Variants in C10orf105 observed in about 807,000 individuals in gnomAD.
C10orf105 encodes chromosome 10 open reading frame 105.
Under a neutral mutation model 0.6 loss-of-function variants are expected in C10orf105, and 2 were observed. The ratio of observed to expected loss-of-function variants is 3.18; its 90% confidence interval spans 1.30 to 10.01. C10orf105 has a LOEUF of 10.01. Ranked by LOEUF, C10orf105 falls within the 30% of genes most tolerant of loss-of-function variation. The pLI, the probability that C10orf105 is intolerant of heterozygous loss-of-function variation, is 0.04. For synonymous variants in C10orf105, 95 were observed against 82.4 expected (o/e 1.15, Z -0.83); for missense variants, 209 against 191.4 (o/e 1.09, Z -0.54).
rs944405088 is a variant in C10orf105 at position 71,726,671 on chromosome 10, G to A, written c.-5-10329C>T. Among the ~76,000 whole-genome samples the A allele has an allele frequency of 3.9e-5, 6 of 152,242 alleles. No homozygotes were observed. The South Asian group carries it at 1.2e-3, about 31-fold the overall frequency. Reference sequence around the variant, plus strand: ...CATAGCCATGCTGGCTTGCATGACTGTGAATCTTATTCGTGGGCTGGTCAG... The same window carrying A: ...CATAGCCATGCTGGCTTGCATGACTATGAATCTTATTCGTGGGCTGGTCAG... On this transcript the variant is annotated intron_variant, in intron 1 of 1. Coordinates refer to the C10orf105 transcript ENST00000398786.
intron 1 of C10orf105, 162 bp from the exon 2 acceptor site, chr10:71,716,504 T>C: frequency 1.7e-6 from 1 of 577,980 alleles, no homozygotes; most frequent in Non-Finnish European, 3.0e-6. Context: ...TCCAGAGACA[T>C]CACAAGTCTA....
At chr10:71,728,709 C>T (rs1866923147) in intron 1 of C10orf105, among the ~76,000 whole-genome samples, 1 of 152,218 alleles carries the variant, frequency 6.6e-6, no homozygotes. Flanking sequence ...CCGGCCCCAG[C>T]TCTGTTTGGC....
chr10:71,732,636 C>A, intron 1 of C10orf105: 4 of 1,392,602 alleles, frequency 2.9e-6, no homozygotes, highest in Non-Finnish European at 3.7e-6. Flanking sequence ...TTGTCTCTTA[C>A]AAAGAAACAA....
At chr10:71,728,153 A>G (rs1254216335) in intron 1 of C10orf105, among the ~76,000 whole-genome samples, 2 of 152,148 alleles carry the variant, frequency 1.3e-5, no homozygotes, top group Non-Finnish European at 2.9e-5. Context: ...GTTTCTGTTT[A>G]CCGAAAAAGA....
upstream of C10orf105, among the ~76,000 whole-genome samples, chr10:71,723,586 T>C (rs1866664207): frequency 6.6e-6 from 1 of 152,104 alleles, no homozygotes; most frequent in Non-Finnish European, 1.5e-5. Flanking sequence ...CAGTGTACAG[T>C]GCCGGCTGGG....
chr10:71,716,697 T>G, intron 1 of C10orf105: 2 of 205,554 alleles, frequency 9.7e-6, no homozygotes, highest in Non-Finnish European at 1.9e-5. Flanking sequence ...TGTCAATAAC[T>G]TGCTCTGTGG....
chr10:71,736,878 C>G (rs977022502), intron 1 of C10orf105, among the ~76,000 whole-genome samples: 23 of 152,158 alleles, frequency 1.5e-4, no homozygotes, highest in African/African-American at 5.6e-4. Flanking sequence ...AATAAGGTGT[C>G]AGGGAACTAG....
intron 1 of C10orf105, among the ~76,000 whole-genome samples, chr10:71,725,042 T>A (rs1866743258): frequency 6.6e-6 from 1 of 152,142 alleles, no homozygotes; most frequent in Non-Finnish European, 1.5e-5. Flanking sequence ...GGCCTCACAC[T>A]ACCCACATCT....
At chr10:71,732,574 A>G in intron 1 of C10orf105, 1 of 1,318,448 alleles carries the variant, frequency 7.6e-7, no homozygotes, top group South Asian at 1.5e-5. Flanking sequence ...TGGAGGCTGC[A>G]GTGAGCTGCG....
Position 71,716,324 on chromosome 10 carries a change from C to A in C10orf105, c.14G>T (p.Gly5Val). 6.7e-7 allele frequency: 1 copy of A among 1,486,614 alleles called. No homozygotes were observed. The highest frequency in any genetic ancestry group is 1.3e-5 in the South Asian group (1 of 74,102). The allele number at this position is 1,486,614 out of a possible 1,614,324, so 92.1% of individuals were successfully genotyped here. The part of the protein sequence containing the change: MSTE[G>V]PSLASSPAIS... ...GGCTGGGGAGCTGGCGAGGCTGGGG[C>A]CCTCTGTGCTCATGGCTCCTGCAAC... The change falls in exon 2 of 2, where the codon GGC becomes GTC. Residue 5 changes from glycine (G) to valine (V), a missense_variant. Coordinates refer to ENST00000441508, the MANE Select transcript of C10orf105 (RefSeq NM_001164375.3).
rs939095975 is a variant in C10orf105, at chr10:71,712,456, A to G, written c.*3480T>C. On this transcript the variant is annotated 3_prime_UTR_variant, in exon 2 of 2. Transcript: ENST00000441508. ...TTGCTGTGAGGACTGAATGGGTTAG[A>G]AGAATGGCTGGCACATGGTGTTATC... 1.7e-6 allele frequency: 1 copy of G among 575,332 alleles called. No homozygotes were observed. Among genetic ancestry groups the G allele is most frequent in the Non-Finnish European group, 3.1e-6 (1 of 322,064 alleles). 35.6% of individuals were successfully genotyped at this position (575,332 alleles called of 1,614,324 possible).
At chr10:71,723,810 G>A (rs1435693999), upstream of C10orf105, among the ~76,000 whole-genome samples, 6 of 152,116 alleles carry the variant, frequency 3.9e-5, no homozygotes, top group African/African-American at 9.7e-5. Context: ...GAGGAGGATC[G>A]GGGCAGAGCT....
At chr10:71,718,633 A>G (rs1427967684) in intron 1 of C10orf105, among the ~76,000 whole-genome samples, 2 of 152,258 alleles carry the variant, frequency 1.3e-5, no homozygotes, top group Non-Finnish European at 2.9e-5. Context: ...GCCAGGAGTA[A>G]GAAAAGGGCA....
intron 1 of C10orf105, chr10:71,730,716 G>A (rs1317846057): frequency 6.8e-7 from 1 of 1,475,590 alleles, no homozygotes; most frequent in African/African-American, 1.4e-5. Flanking sequence ...TCCCCATTTA[G>A]CCATGTCTAG....
intron 1 of C10orf105, among the ~76,000 whole-genome samples, chr10:71,727,035 C>G (rs1448352396): frequency 6.6e-6 from 1 of 152,230 alleles, no homozygotes. Flanking sequence ...CAGCTACTTA[C>G]GTCCTGCCCG....
chr10:71,725,368 A>C lies in C10orf105; in HGVS notation c.-5-9026T>G, dbSNP rs987523303. 12 of 1,613,872 alleles carry C rather than the reference A, an allele frequency of 7.4e-6. No homozygotes were observed. The highest frequency in any genetic ancestry group is 1.0e-5 in the Non-Finnish European group (12 of 1,179,838). ...TGTTCCAGGGGGTCTGTCCCTCCAC[A>C]CAGGTAACCATGGCAACAACTTCCG... On this transcript the variant is annotated intron_variant, in intron 1 of 1. Coordinates refer to the C10orf105 transcript ENST00000398786.
upstream of C10orf105, chr10:71,724,076 T>C: frequency 6.4e-7 from 1 of 1,560,344 alleles, no homozygotes. Context: ...GAGGGCGAGT[T>C]TGGGCGTGTG....
At chr10:71,720,361 G>T (rs561477458), upstream of C10orf105, among the ~76,000 whole-genome samples, 10 of 151,862 alleles carry the variant, frequency 6.6e-5, no homozygotes, top group South Asian at 1.7e-3. Context: ...GACCTCCAAG[G>T]CCATGCTCCC....
At chr10:71,726,166 G>C (rs1487543842) in intron 1 of C10orf105, among the ~76,000 whole-genome samples, 1 of 152,142 alleles carries the variant, frequency 6.6e-6, no homozygotes, top group Non-Finnish European at 1.5e-5. Flanking sequence ...TGAGATGAAT[G>C]AGATGACCTC....
Sources: allele counts gnomAD v4.1 joint callset (sites outside exome capture counted in the v4.1 genomes callset), GRCh38; gene constraint gnomAD v4.1.1; transcripts MANE v1.5; gene names NCBI Gene and HGNC (gene_info 2026-07-23, HGNC 2026-07-21).